MILR1: variants seen among roughly 807,000 people sequenced by gnomAD.
MILR1 encodes allergin-1.
Under a neutral mutation model 18.5 loss-of-function variants are expected in MILR1, and 31 were observed. That is an observed-to-expected ratio of 1.68 (90% confidence interval 1.26 to 2.26). MILR1 has a LOEUF of 2.26. Ranked by LOEUF, MILR1 falls within the 30% of genes most tolerant of loss-of-function variation. MILR1 has a pLI of 0.00. For missense variants in MILR1, 257 were observed against 157.4 expected (o/e 1.63, Z -3.38); for synonymous variants, 85 against 56.2 (o/e 1.51, Z -2.30).
chr17:64,454,570 CT>C (rs2144018917), intron 3 of MILR1, among the ~76,000 whole-genome samples: 1 of 152,136 alleles, frequency 6.6e-6, no homozygotes, highest in East Asian at 1.9e-4. Context: ...TGATTCTTAG[CT>C]TTTTAGGTTA....
Position 64,466,446 on chromosome 17 carries a change from G to A in MILR1, c.858G>A (p.Glu286=), listed in dbSNP as rs2037562622. The stretch of plus-strand genomic sequence containing the variant: ...TATGTCATTCTCATTTTACAGAGGA[G>A]GAATCTGTGCCAGAAGTGGGATCCA... The part of the protein sequence containing the change: ...YANILEKQAK[E]ESVPEVGSRP... The change falls in exon 7 of 10, where the codon GAG becomes GAA. Residue 286 remains glutamate (E), a synonymous_variant. Transcript: ENST00000619286. 1 of 1,613,470 alleles carries A rather than the reference G, an allele frequency of 6.2e-7. No homozygotes were observed. The highest frequency in any genetic ancestry group is 8.5e-7 in the Non-Finnish European group (1 of 1,179,658).
chr17:64,494,370 C>T, the MILR1 span, among the ~76,000 whole-genome samples: 1 of 152,152 alleles, frequency 6.6e-6, no homozygotes, highest in Admixed American at 6.6e-5. Context: ...AATTTGATTA[C>T]TTGGTTAAGG....
chr17:64,466,560 G>C (rs781912108), intron 7 of MILR1, 34 bp from the exon 8 acceptor site: 2 of 1,610,908 alleles, frequency 1.2e-6, no homozygotes, highest in Non-Finnish European at 1.7e-6. Context: ...CACATAATTG[G>C]CCCAATAATT....
downstream of MILR1, among the ~76,000 whole-genome samples, chr17:64,471,658 T>A (rs2037688465): frequency 6.6e-6 from 1 of 152,142 alleles, no homozygotes; most frequent in African/African-American, 2.4e-5. Flanking sequence ...ACTAGAACAA[T>A]GGCAACAATA....
chr17:64,495,859 C>G, the MILR1 span, among the ~76,000 whole-genome samples: 1 of 152,054 alleles, frequency 6.6e-6, no homozygotes, highest in African/African-American at 2.4e-5. Context: ...CAGGCGCTCG[C>G]CGTCACGGCC....
chr17:64,467,933 CTCAAAAAAA>C (rs1457887742), intron 9 of MILR1: 1 of 119,272 alleles, frequency 8.4e-6, no homozygotes, highest in East Asian at 2.8e-4. Context: ...AAGACTTCAT[CTCAAAAAAA>C]AAAAAAAAAA....
chr17:64,460,824 G>C lies in MILR1; in HGVS notation c.655G>C (p.Gly219Arg). The C allele has an allele frequency of 6.3e-6, 3 of 475,042 alleles. No individual in the cohort carries two copies. The highest frequency in any genetic ancestry group is 1.2e-5 in the Non-Finnish European group (3 of 258,792). The allele number at this position is 475,042 out of a possible 1,614,324, so 29.4% of individuals were successfully genotyped here. A position where few individuals can be genotyped will look rare whatever the true frequency, so the allele number is the denominator to read the frequency against. ...CAATGGATGCGGTCTTCTTCCAGGC[G>C]GAGACAGCTGTCCTTTCTGTCTGAA... ...SHPVTMPSTG[G>R]DSCPFCLKLL... Residue 219 changes from glycine to arginine, a missense_variant and splice_region_variant, in exon 5 of 10, where the codon GGA becomes CGA. Coordinates refer to ENST00000619286, the MANE Select transcript of MILR1 (RefSeq NM_001085423.2).
At chr17:64,493,036 A>C in the MILR1 span, 1 of 1,613,956 alleles carries the variant, frequency 6.2e-7, no homozygotes, top group Non-Finnish European at 8.5e-7. Flanking sequence ...CAAAAGATAA[A>C]TCAATCATTG....
chr17:64,497,061 G>A, the MILR1 span: 129 of 1,318,238 alleles, frequency 9.8e-5, 6 homozygotes, highest in South Asian at 1.4e-3. Context: ...AGGCCACGGC[G>A]CAGGCGCAAC....
intron 4 of MILR1, among the ~76,000 whole-genome samples, chr17:64,458,401 C>T (rs981227340): frequency 3.3e-3 from 502 of 151,880 alleles, no homozygotes; most frequent in Non-Finnish European, 6.1e-3. Context: ...TCAGTAGAGA[C>T]GGGTTTTCAC....
At chr17:64,480,817 A>G in the MILR1 span, among the ~76,000 whole-genome samples, 1 of 152,196 alleles carries the variant, frequency 6.6e-6, no homozygotes, top group Non-Finnish European at 1.5e-5. Flanking sequence ...AAGAGCCAGG[A>G]AAGAAAAAGG....
At position 64,452,675 on chromosome 17, in the gene MILR1, A is replaced by G. The variant is rs2037200499; in HGVS notation, c.176A>G (p.Lys59Arg). ...GQNVSMFCSH[K>R]NKSLQITYSL... Reference sequence around the variant, plus strand: ...AATGTATCTATGTTTTGTTCCCATAAGAACAAATCACTGCAGATCACCTAT... The same window carrying G: ...AATGTATCTATGTTTTGTTCCCATAGGAACAAATCACTGCAGATCACCTAT... Residue 59 changes from lysine to arginine, a missense_variant, in exon 3 of 10, where the codon AAG (lysine) becomes AGG (arginine). Transcript: ENST00000619286. The G allele has an allele frequency of 3.4e-5, 16 of 472,422 alleles. No individual in the cohort carries two copies. The highest frequency in any genetic ancestry group is 6.2e-5 in the Non-Finnish European group (16 of 257,704). 29.3% of individuals were successfully genotyped at this position (472,422 alleles called of 1,614,324 possible).
the MILR1 span, chr17:64,491,039 G>A: frequency 1.7e-6 from 2 of 1,167,010 alleles, no homozygotes; most frequent in Non-Finnish European, 2.6e-6. Flanking sequence ...ATAATTATCT[G>A]TAAGAATTTA....
the MILR1 span, among the ~76,000 whole-genome samples, chr17:64,475,916 C>T: frequency 3.4e-5 from 5 of 148,356 alleles, no homozygotes; most frequent in South Asian, 2.1e-4. Context: ...TGGGTTCAAG[C>T]GATTCTCCTG....
At chr17:64,491,497 G>T in the MILR1 span, 1 of 1,416,636 alleles carries the variant, frequency 7.1e-7, no homozygotes, top group South Asian at 1.2e-5. Flanking sequence ...GCAAAAGAGT[G>T]AGACTATGTC....
At chr17:64,459,426 C>G (rs956924806) in intron 4 of MILR1, among the ~76,000 whole-genome samples, 1 of 151,366 alleles carries the variant, frequency 6.6e-6, no homozygotes, top group Non-Finnish European at 1.5e-5. Flanking sequence ...CAGAGCGAGA[C>G]CCTGTCTCAA....
chr17:64,482,096 CTTTTT>C, the MILR1 span, among the ~76,000 whole-genome samples: 9 of 116,048 alleles, frequency 7.8e-5, no homozygotes, highest in South Asian at 2.7e-4. Context: ...TTAATTAAAG[CTTTTT>C]TTTTTTTTTT....
chr17:64,452,146 C>T (rs2144004653), intron 2 of MILR1, among the ~76,000 whole-genome samples: 2 of 151,350 alleles, frequency 1.3e-5, no homozygotes, highest in African/African-American at 4.8e-5. Context: ...ACTTGTTGCC[C>T]AGGCTGTTCT....
chr17:64,485,855 C>T, the MILR1 span: 14 of 1,614,006 alleles, frequency 8.7e-6, no homozygotes, highest in East Asian at 2.2e-5. Flanking sequence ...CACATTTTTT[C>T]GTCCATCTCG....
Sources: gnomAD v4.1 joint callset for allele counts (sites outside exome capture counted in the v4.1 genomes callset) on GRCh38, gnomAD v4.1.1 for gene constraint, MANE v1.5 for transcripts, NCBI Gene and HGNC (gene_info 2026-07-23, HGNC 2026-07-21) for gene names.